CGREF1: variants seen among roughly 807,000 people sequenced by gnomAD.
CGREF1 encodes the protein cell growth regulator with EF hand domain protein 1.
Under a neutral mutation model 17.4 loss-of-function variants are expected in CGREF1, and 16 were observed. That is an observed-to-expected ratio of 0.92 (90% CI 0.62 to 1.40). CGREF1 has a LOEUF of 1.40. CGREF1 is among the 40% of genes most tolerant of loss of function. The pLI is 0.00. For missense variants in CGREF1, 296 were observed against 376.4 expected, an observed-to-expected ratio of 0.79 and a Z score of 1.77; for synonymous variants, 142 against 154.6, an observed-to-expected ratio of 0.92 and a Z score of 0.61.
intron 2 of CGREF1, 87 bp downstream of exon 2, chr2:27,104,200 G>T: frequency 7.4e-7 from 1 of 1,358,358 alleles, no homozygotes; most frequent in Non-Finnish European, 9.9e-7. Context: ...CCAGTCTCCT[G>T]CCTCCCAGAG....
At chr2:27,112,327 T>G (rs949460976) in intron 1 of CGREF1, among the ~76,000 whole-genome samples, 1 of 151,856 alleles carries the variant, frequency 6.6e-6, no homozygotes, top group Non-Finnish European at 1.5e-5. Flanking sequence ...GCACAAACAA[T>G]ATTAAGAAGG....
rs931978608 is a variant in CGREF1 at position 27,110,412 on chromosome 2, C to G, written c.-11-6035G>C. 2.0e-4 allele frequency among the ~76,000 whole-genome samples: 31 copies of G among 151,782 alleles called. 1 individual carries two copies. Among genetic ancestry groups the G allele is most frequent in the Non-Finnish European group, 1.0e-4 (7 of 67,964 alleles). On this transcript the variant is annotated intron_variant, in intron 1 of 5. Transcript: ENST00000402394. ...CAGACTATCTCCAAAAAAATACACA[C>G]ACACACACACACAAACCCAAAAATA...
rs530244525 is a variant in CGREF1, at chr2:27,114,229, G to A, written c.-12+4617C>T. Among the ~76,000 whole-genome samples, 18 of 151,976 alleles carry A rather than the reference G, an allele frequency of 1.2e-4. 1 individual carries two copies. Among genetic ancestry groups the A allele is most frequent in the Admixed American group, 4.6e-4 (7 of 15,262 alleles). Reference sequence around the variant, plus strand: ...AGGATGGTCTCGATCTCTTGACCTCGTGATCCGCCTGCCTCAGCCTCCCAA... The same window carrying A: ...AGGATGGTCTCGATCTCTTGACCTCATGATCCGCCTGCCTCAGCCTCCCAA... On this transcript the variant is annotated intron_variant, in intron 1 of 5. Coordinates refer to ENST00000402394, the MANE Select transcript of CGREF1 (RefSeq NM_006569.6).
At chr2:27,105,571 G>T (rs1245961891) in intron 1 of CGREF1, among the ~76,000 whole-genome samples, 2 of 150,376 alleles carry the variant, frequency 1.3e-5, no homozygotes, top group Non-Finnish European at 3.0e-5. Context: ...TTTTGAGAAG[G>T]AGTCCTGCTC....
intron 1 of CGREF1, among the ~76,000 whole-genome samples, chr2:27,107,963 GAAAT>G (rs1671199561): frequency 7.1e-6 from 1 of 141,836 alleles, no homozygotes; most frequent in African/African-American, 2.6e-5. Context: ...AAGAAAGAAA[GAAAT>G]AAGAGCATAA....
chr2:27,109,885 CAAAAAAAAAAAA>C (rs55824603), intron 1 of CGREF1, among the ~76,000 whole-genome samples: 5 of 65,822 alleles, frequency 7.6e-5, no homozygotes, highest in East Asian at 5.5e-4. Context: ...GACTCCGTCT[CAAAAAAAAAAAA>C]AAAAAAAAAA....
rs1450797937 is a variant in CGREF1, at chr2:27,100,928, C to T, written c.*346G>A. 9 of 1,104,098 alleles carry T rather than the reference C, an allele frequency of 8.2e-6. No homozygotes were observed. Among genetic ancestry groups the T allele is most frequent in the African/African-American group, 1.6e-5 (1 of 60,796 alleles). The allele number at this position is 1,104,098 out of a possible 1,614,324, so 68.4% of individuals were successfully genotyped here. On this transcript the variant is annotated 3_prime_UTR_variant, in exon 6 of 6. Coordinates refer to ENST00000402394, the MANE Select transcript of CGREF1 (RefSeq NM_006569.6). ...CTTTCCTCACTGGGTCCTCTGCAGC[C>T]GGCCATGGCTAGCACCATGCGCTCT...
intron 1 of CGREF1, among the ~76,000 whole-genome samples, chr2:27,113,043 G>A (rs912220009): frequency 1.3e-5 from 2 of 152,194 alleles, no homozygotes; most frequent in East Asian, 1.9e-4. Context: ...TTAGAGAGAA[G>A]GCCCTGCCTA....
intron 2 of CGREF1, chr2:27,102,792 C>T: frequency 5.5e-6 from 3 of 541,508 alleles, no homozygotes; most frequent in South Asian, 8.0e-5. Context: ...TCTGTTTTTG[C>T]AGCTGGCTAC....
chr2:27,108,800 G>A (rs1023457974), intron 1 of CGREF1, among the ~76,000 whole-genome samples: 2 of 152,172 alleles, frequency 1.3e-5, no homozygotes, highest in Non-Finnish European at 2.9e-5. Flanking sequence ...CTTGCAGAAT[G>A]AGGTGAAGCA....
chr2:27,112,217 A>G (rs1671418416), intron 1 of CGREF1, among the ~76,000 whole-genome samples: 1 of 152,214 alleles, frequency 6.6e-6, no homozygotes, highest in Non-Finnish European at 1.5e-5. Context: ...TTGAGACTGC[A>G]GTGAGCTGTG....
chr2:27,110,181 CTGTT>C (rs1671308298), intron 1 of CGREF1, among the ~76,000 whole-genome samples: 1 of 151,728 alleles, frequency 6.6e-6, no homozygotes, highest in South Asian at 2.1e-4. Context: ...AACATAGTCT[CTGTT>C]TGAGCCCAGG....
chr2:27,100,548 A>C, downstream of CGREF1: 1 of 1,290,466 alleles, frequency 7.7e-7, no homozygotes, highest in Non-Finnish European at 1.0e-6. Flanking sequence ...AAGGCCTTAT[A>C]ATGTAAAGAG....
At chr2:27,113,049 G>C (rs1192774674) in intron 1 of CGREF1, among the ~76,000 whole-genome samples, 1 of 152,186 alleles carries the variant, frequency 6.6e-6, no homozygotes, top group Non-Finnish European at 1.5e-5. Context: ...AGAAGGCCCT[G>C]CCTACAGGGT....
At chr2:27,105,415 C>A (rs1418356518) in intron 1 of CGREF1, among the ~76,000 whole-genome samples, 1 of 152,156 alleles carries the variant, frequency 6.6e-6, no homozygotes, top group Non-Finnish European at 1.5e-5. Context: ...AGGGGTAGAG[C>A]AGGTAAGCAC....
At position 27,102,405 on chromosome 2, in the gene CGREF1, G is replaced by C; in HGVS notation, c.172C>G (p.Leu58Val). 6.2e-7 allele frequency: 1 copy of C among 1,614,148 alleles called. No individual in the cohort carries two copies. The highest frequency in any genetic ancestry group is 8.5e-7 in the Non-Finnish European group (1 of 1,179,986). Residue 58 changes from leucine (L) to valine (V), a missense_variant, in exon 4 of 6, where the codon CTA (leucine) becomes GTA (valine). This residue lies in a region of CGREF1 where 247 missense variants were observed against 267.2 expected (regional missense o/e 0.92). Coordinates refer to ENST00000402394, the MANE Select transcript of CGREF1 (RefSeq NM_006569.6). ...TCCAGTTGCACTTCTGTCCTTCCTA[G>C]TCCCTTTAGGTAGCTCTGCAGAAGT... is the stretch of plus-strand genomic sequence containing the variant. ...LGLLQSYLKG[L>V]GRTEVQLEHL...
At chr2:27,111,540 G>C (rs1217695099) in intron 1 of CGREF1, among the ~76,000 whole-genome samples, 1 of 152,250 alleles carries the variant, frequency 6.6e-6, no homozygotes. Flanking sequence ...GGTGGTCGAT[G>C]GGACAGGGCG....
intron 2 of CGREF1, chr2:27,103,082 T>C: frequency 2.0e-6 from 2 of 985,346 alleles, no homozygotes; most frequent in Non-Finnish European, 2.4e-6. Context: ...GTTCTGGGGT[T>C]TCAAGCTGCT....
chr2:27,103,309 G>A (rs1670981647), intron 2 of CGREF1, among the ~76,000 whole-genome samples: 1 of 152,112 alleles, frequency 6.6e-6, no homozygotes, highest in South Asian at 2.1e-4. Context: ...AAAACCTTCA[G>A]AAAGGTATTC....
Sources: allele counts gnomAD v4.1 joint callset (sites outside exome capture counted in the v4.1 genomes callset), GRCh38; gene constraint gnomAD v4.1.1; regional missense constraint gnomAD v4.1.1; transcripts MANE v1.5; gene names NCBI Gene and HGNC (gene_info 2026-07-23, HGNC 2026-07-21).